The following KLF12 variants were observed in gnomAD, a reference collection of about 807,000 sequenced individuals.
KLF12 encodes the protein KLF transcription factor 12, also known as Krueppel-like factor 12.
KLF12 carries 9 observed loss-of-function variants against 37.8 expected under a neutral mutation model. That is an observed-to-expected ratio of 0.24 (90% CI 0.14 to 0.42). The LOEUF (loss-of-function observed/expected upper bound fraction) is 0.42. Among genes scored for constraint, KLF12 ranks in the 10% least tolerant of loss-of-function variants. KLF12 has a pLI of 1.00. For synonymous variants in KLF12, 208 were observed against 202.1 expected, an observed-to-expected ratio of 1.03 and a Z score of -0.25; for missense variants, 411 against 516.0, an observed-to-expected ratio of 0.80 and a Z score of 1.97.
At chr13:73,781,803 G>C (rs537893706) in intron 5 of KLF12, among the ~76,000 whole-genome samples, 22 of 151,936 alleles carry the variant, frequency 1.4e-4, no homozygotes, top group Non-Finnish European at 2.5e-4. Context: ...CTAAAAAACT[G>C]CCTATTACCA....
chr13:73,950,231 C>T (rs1287187734), intron 2 of KLF12, among the ~76,000 whole-genome samples: 1 of 152,126 alleles, frequency 6.6e-6, no homozygotes, highest in Admixed American at 6.6e-5. Flanking sequence ...GCTGAACTAG[C>T]CATGAAAAGC....
the KLF12 span, among the ~76,000 whole-genome samples, chr13:74,164,199 C>A: frequency 6.6e-6 from 1 of 151,980 alleles, no homozygotes; most frequent in Non-Finnish European, 1.5e-5. Flanking sequence ...ATCATTTAAC[C>A]CTTCTGTTTT....
intron 6 of KLF12, among the ~76,000 whole-genome samples, chr13:73,748,267 G>A (rs922057050): frequency 1.3e-5 from 2 of 152,156 alleles, no homozygotes; most frequent in African/African-American, 4.8e-5. Flanking sequence ...GATATCAGAA[G>A]TTGGTATTTT....
chr13:73,793,297 C>T (rs144422214), intron 5 of KLF12, among the ~76,000 whole-genome samples: 83 of 152,288 alleles, frequency 5.5e-4, no homozygotes, highest in African/African-American at 1.8e-3. Flanking sequence ...AACAAATTGA[C>T]ACAGTTATAG....
At chr13:73,950,338 G>T (rs1475537793) in intron 2 of KLF12, among the ~76,000 whole-genome samples, 2 of 152,134 alleles carry the variant, frequency 1.3e-5, no homozygotes, top group African/African-American at 4.8e-5. Context: ...ATTTCCAAAG[G>T]CCTCAATACA....
Position 74,121,643 on chromosome 13 carries a change from T to C in KLF12, c.-32+12096A>G, listed in dbSNP as rs1019737017. On this transcript the variant is annotated intron_variant, in intron 1 of 7. Coordinates refer to ENST00000377669, the MANE Select transcript of KLF12 (RefSeq NM_007249.5). ...ATGCATTGCAAATAACATTAAAATG[T>C]TAATTATCCCAAGAATATATATAAT... 2.6e-5 allele frequency among the ~76,000 whole-genome samples: 4 copies of C among 152,034 alleles called. No homozygotes were observed. The East Asian group carries it at 7.7e-4, about 29-fold the overall frequency.
At chr13:73,826,540 A>G (rs1883851914) in intron 4 of KLF12, among the ~76,000 whole-genome samples, 2 of 152,222 alleles carry the variant, frequency 1.3e-5, no homozygotes, top group Admixed American at 6.5e-5. Flanking sequence ...GATTCAAAAT[A>G]TCTAAACATT....
chr13:74,262,415 A>G, the KLF12 span, among the ~76,000 whole-genome samples: 1 of 152,216 alleles, frequency 6.6e-6, no homozygotes, highest in African/African-American at 2.4e-5. Context: ...GCTGTCCCTC[A>G]GTATCTATGA....
At chr13:73,879,008 T>A (rs1333503988) in intron 3 of KLF12, among the ~76,000 whole-genome samples, 1 of 152,216 alleles carries the variant, frequency 6.6e-6, no homozygotes, top group African/African-American at 2.4e-5. Context: ...ATCTGATTTA[T>A]GTTTTAAAAG....
chr13:73,841,505 G>C (rs959807103), intron 4 of KLF12, among the ~76,000 whole-genome samples: 1 of 152,078 alleles, frequency 6.6e-6, no homozygotes, highest in Non-Finnish European at 1.5e-5. Context: ...CCACAGCTGC[G>C]GGTTGGGCAA....
rs1305200790 is a variant in KLF12, at chr13:73,738,124, T to TATATATATATATATATATATACACAC, written c.870-22600_870-22599insGTGTGTATATATATATATATATATAT. On this transcript the variant is annotated intron_variant, in intron 6 of 7. Coordinates refer to ENST00000377669, the MANE Select transcript of KLF12 (RefSeq NM_007249.5). The stretch of plus-strand genomic sequence containing the variant: ...ATATATATATATATATATATATATA[T>TATATATATATATATATATATACACAC]ACACACACACACATATATATACACA... Among the ~76,000 whole-genome samples, 184 of 81,856 alleles carry TATATATATATATATATATATACACAC rather than the reference T, an allele frequency of 2.2e-3. 3 individuals are homozygous for TATATATATATATATATATATACACAC. Among genetic ancestry groups the TATATATATATATATATATATACACAC allele is most frequent in the Admixed American group, 2.9e-3 (24 of 8,272 alleles). 53.7% of individuals were successfully genotyped at this position (81,856 alleles called of 152,430 possible). A position where few individuals can be genotyped will look rare whatever the true frequency, so the allele number is the denominator to read the frequency against.
chr13:74,226,125 G>C, the KLF12 span, among the ~76,000 whole-genome samples: 2 of 152,078 alleles, frequency 1.3e-5, no homozygotes, highest in Admixed American at 6.6e-5. Context: ...AAGTTAATTT[G>C]GGAGCTGTGT....
chr13:73,727,762 A>G (rs1876769227), intron 6 of KLF12, among the ~76,000 whole-genome samples: 1 of 149,802 alleles, frequency 6.7e-6, no homozygotes, highest in South Asian at 2.1e-4. Context: ...CAGTGGCGTG[A>G]TCTTGGCTCA....
intron 1 of KLF12, among the ~76,000 whole-genome samples, chr13:74,022,265 C>G (rs993895334): frequency 6.6e-6 from 1 of 152,164 alleles, no homozygotes; most frequent in African/African-American, 2.4e-5. Flanking sequence ...ATAGGAGCTT[C>G]TTGGAAATAA....
the KLF12 span, among the ~76,000 whole-genome samples, chr13:74,187,354 C>T: frequency 6.6e-6 from 1 of 151,878 alleles, no homozygotes. Flanking sequence ...AAAAAACAAT[C>T]GCAGGCTCAG....
the KLF12 span, among the ~76,000 whole-genome samples, chr13:74,268,042 A>G: frequency 3.4e-4 from 52 of 152,286 alleles, no homozygotes; most frequent in African/African-American, 1.2e-3. Flanking sequence ...ACAAGGTCCT[A>G]CTGATGTCTT....
At chr13:74,042,154 G>T (rs1267264051) in intron 1 of KLF12, among the ~76,000 whole-genome samples, 10 of 151,748 alleles carry the variant, frequency 6.6e-5, no homozygotes, top group Non-Finnish European at 1.5e-4. Context: ...AAATACAAAA[G>T]TTAGCTGGGC....
chr13:74,126,694 A>G (rs1253615371), intron 1 of KLF12, among the ~76,000 whole-genome samples: 3 of 152,226 alleles, frequency 2.0e-5, no homozygotes, highest in African/African-American at 7.2e-5. Flanking sequence ...GCAAAGTCAC[A>G]GTTCTGTAGC....
At chr13:73,981,684 G>A (rs1454694723) in intron 2 of KLF12, among the ~76,000 whole-genome samples, 1 of 152,092 alleles carries the variant, frequency 6.6e-6, no homozygotes, top group Admixed American at 6.5e-5. Context: ...TCCAAAATTC[G>A]TGTTGAATCC....
Sources: allele counts gnomAD v4.1 joint callset (sites outside exome capture counted in the v4.1 genomes callset), GRCh38; gene constraint gnomAD v4.1.1; transcripts MANE v1.5; gene names NCBI Gene and HGNC (gene_info 2026-07-23, HGNC 2026-07-21).